Variants in METTL13 observed in about 807,000 individuals in gnomAD.
METTL13 encodes the protein eEF1A lysine and N-terminal methyltransferase.
In METTL13, 52 loss-of-function variants were observed where a neutral mutation model predicts 67.4. The observed-to-expected ratio is 0.77, with a 90% CI of 0.62 to 0.97. The LOEUF (loss-of-function observed/expected upper bound fraction) is 0.97, where lower values mean the gene tolerates loss of function less well. METTL13 is among the 50% of genes least tolerant of loss of function. The pLI is 0.00. For synonymous variants in METTL13, 354 were observed against 353.6 expected, an observed-to-expected ratio of 1.00 and a Z score of -0.01; for missense variants, 825 against 889.6, an observed-to-expected ratio of 0.93 and a Z score of 0.92.
chr1:171,788,003 G>A (rs1231872569), intron 4 of METTL13, 73 bp downstream of exon 4: 19 of 1,477,356 alleles, frequency 1.3e-5, no homozygotes, highest in Admixed American at 3.6e-5. Context: ...GAGCTTGGCC[G>A]AGATGTAGGA....
chr1:171,782,624 T>G (rs146929662), intron 1 of METTL13, among the ~76,000 whole-genome samples: 2 of 152,188 alleles, frequency 1.3e-5, no homozygotes, highest in Non-Finnish European at 2.9e-5. Context: ...CCCCAGCTCA[T>G]TCTTGGATTA....
At chr1:171,790,024 C>T (rs1657150333) in intron 4 of METTL13, among the ~76,000 whole-genome samples, 1 of 152,214 alleles carries the variant, frequency 6.6e-6, no homozygotes, top group South Asian at 2.1e-4. Context: ...ATGGTACCAA[C>T]TTCTGCATTT....
chr1:171,784,618 G>A (rs1656949277), intron 2 of METTL13, 119 bp downstream of exon 2: 1 of 1,278,954 alleles, frequency 7.8e-7, no homozygotes, highest in Admixed American at 3.5e-5. Flanking sequence ...ACTGTTTTTT[G>A]TCTTGCAGGG....
rs920808567 is a variant in METTL13 at position 171,784,114 on chromosome 1, G to A, written c.528G>A (p.Arg176=). The A allele has an allele frequency of 1.2e-6, 2 of 1,614,244 alleles. No individual in the cohort carries two copies. Among genetic ancestry groups the A allele is most frequent in the Non-Finnish European group, 1.7e-6 (2 of 1,180,044 alleles). Residue 176 remains arginine, a synonymous_variant, in exon 2 of 8, where the codon CGG becomes CGA. Coordinates refer to ENST00000361735, the MANE Select transcript of METTL13 (RefSeq NM_015935.5). The part of the protein sequence containing the change: ...ILKKAVGHFS[R]EGWMVRVHQV... ...AGAAAGCAGTGGGCCACTTCTCCCG[G>A]GAGGGGTGGATGGTGAGGGTGCACC... is the stretch of plus-strand genomic sequence containing the variant.
chr1:171,785,615 T>C (rs1656982102), intron 2 of METTL13, among the ~76,000 whole-genome samples: 1 of 152,234 alleles, frequency 6.6e-6, no homozygotes, highest in South Asian at 2.1e-4. Context: ...GTGTTGGCAT[T>C]ACTGCTGTTT....
chr1:171,787,303 T>A (rs1010001839), intron 3 of METTL13, among the ~76,000 whole-genome samples: 1 of 152,208 alleles, frequency 6.6e-6, no homozygotes, highest in Non-Finnish European at 1.5e-5. Context: ...GGGAAAGGAA[T>A]ATCTCTCTAG....
chr1:171,788,125 C>T (rs1178102752), intron 4 of METTL13, among the ~76,000 whole-genome samples, 195 bp downstream of exon 4: 8 of 150,284 alleles, frequency 5.3e-5, no homozygotes, highest in South Asian at 4.2e-4. Context: ...TGATAGGGGA[C>T]GTGAGTAGTG....
At chr1:171,789,715 G>A (rs1192300532) in intron 4 of METTL13, among the ~76,000 whole-genome samples, 1 of 152,142 alleles carries the variant, frequency 6.6e-6, no homozygotes, top group Non-Finnish European at 1.5e-5. Flanking sequence ...ACATTTCTTA[G>A]ACGGGAGGTA....
intron 7 of METTL13, 117 bp downstream of exon 7, chr1:171,794,644 C>T: frequency 7.1e-7 from 1 of 1,404,350 alleles, no homozygotes. Flanking sequence ...ATTTAATACA[C>T]CCATTTACTA....
intron 1 of METTL13, 90 bp from the exon 2 acceptor site, chr1:171,783,650 C>T (rs1465787327): frequency 3.0e-5 from 44 of 1,458,010 alleles, no homozygotes; most frequent in Non-Finnish European, 3.9e-5. Context: ...AAATGTGACT[C>T]AGCCAAGGTG....
intron 2 of METTL13, 25 bp from the exon 3 acceptor site, chr1:171,785,854 C>T (rs558908170): frequency 1.3e-4 from 213 of 1,608,846 alleles, no homozygotes; most frequent in Non-Finnish European, 1.7e-4. Flanking sequence ...TCCAGGACTC[C>T]CTGTAACCAA....
Position 171,781,882 on chromosome 1 carries a change from G to T in METTL13, c.-86G>T. On this transcript the variant is annotated 5_prime_UTR_variant, in exon 1 of 8. The change creates a premature stop within an existing upstream ORF in the 5' untranslated region. Transcript: ENST00000361735. ...AAAGAATTCCCACTGCAGTGTCCCG[G>T]AGCCTGCGTGTGGTGGGCAAGCTCC... The T allele has an allele frequency of 6.4e-7, 1 of 1,574,296 alleles. No individual in the cohort carries two copies.
At position 171,784,289 on chromosome 1, in the gene METTL13, C is replaced by A; in HGVS notation, c.703C>A (p.Arg235=). The change falls in exon 2 of 8, where the codon CGG becomes AGG. Residue 235 remains arginine (R), a synonymous_variant. Coordinates refer to ENST00000361735, the MANE Select transcript of METTL13 (RefSeq NM_015935.5). ...LCAQEQRKPV[R]LESAERLAEA... is the part of the protein sequence containing the mutation. ...TGCTCAGGAGCAGCGCAAGCCTGTG[C>A]GGCTGGAGAGTGCCGAGCGGCTGGC... 7 of 1,612,184 alleles carry A rather than the reference C, an allele frequency of 4.3e-6. No homozygotes were observed. Among genetic ancestry groups the A allele is most frequent in the South Asian group, 1.1e-5 (1 of 90,982 alleles).
chr1:171,788,010 A>G, intron 4 of METTL13, 80 bp downstream of exon 4: 2 of 1,412,086 alleles, frequency 1.4e-6, no homozygotes, highest in Non-Finnish European at 2.0e-6. Flanking sequence ...GCCGAGATGT[A>G]GGATGGACCT....
rs1474313454 is a variant in METTL13, at chr1:171,796,809, G to A, written c.*53G>A. ...TAGACTGACCTTGGACTCCCAGCCTGCCAGAGAATGAAGAAATACAACGCA... is the reference window on the plus strand; with the variant it reads ...TAGACTGACCTTGGACTCCCAGCCTACCAGAGAATGAAGAAATACAACGCA... On this transcript the variant is annotated 3_prime_UTR_variant, in exon 8 of 8. Coordinates refer to ENST00000361735, the MANE Select transcript of METTL13 (RefSeq NM_015935.5). 6.3e-7 allele frequency: 1 copy of A among 1,581,274 alleles called. No individual in the cohort carries two copies. Among genetic ancestry groups the A allele is most frequent in the Non-Finnish European group, 8.6e-7 (1 of 1,163,358 alleles).
chr1:171,791,685 AACTCC>A (rs1389421865), intron 5 of METTL13, among the ~76,000 whole-genome samples: 4 of 152,076 alleles, frequency 2.6e-5, no homozygotes, highest in African/African-American at 9.7e-5. Flanking sequence ...GCTGGTCTCG[AACTCC>A]TGAGCTCAAG....
intron 7 of METTL13, among the ~76,000 whole-genome samples, chr1:171,795,880 A>G (rs184020707): frequency 6.6e-6 from 1 of 152,220 alleles, no homozygotes; most frequent in East Asian, 1.9e-4. Flanking sequence ...TGATTGAGAC[A>G]AAGTCTCATT....
chr1:171,783,718 TGTC>T lies in METTL13; in HGVS notation c.154-21_154-19del. 1 of 1,584,276 alleles carries T rather than the reference TGTC, an allele frequency of 6.3e-7. No homozygotes were observed. Among genetic ancestry groups the T allele is most frequent in the Middle Eastern group, 1.7e-4 (1 of 5,910 alleles). ...TCCTTTGCTTTGATTACCTCCCTCT[TGTC>T]TGTGAATTTTTTCTCCAGGTGCTGG... On this transcript the variant is annotated intron_variant, in intron 1 of 7. Coordinates refer to ENST00000361735, the MANE Select transcript of METTL13 (RefSeq NM_015935.5).
intron 7 of METTL13, among the ~76,000 whole-genome samples, 198 bp downstream of exon 7, chr1:171,794,725 C>T (rs1164335276): frequency 6.6e-6 from 1 of 152,210 alleles, no homozygotes; most frequent in East Asian, 1.9e-4. Context: ...AACTTGTCCT[C>T]GCAAGAGTAA....
Sources: allele counts gnomAD v4.1 joint callset (sites outside exome capture counted in the v4.1 genomes callset), GRCh38; gene constraint gnomAD v4.1.1; transcripts MANE v1.5; gene names NCBI Gene and HGNC (gene_info 2026-07-23, HGNC 2026-07-21).